Variants in MEGF10 observed in about 807,000 individuals in gnomAD.
MEGF10 encodes multiple epidermal growth factor-like domains protein 10.
MEGF10 carries 86 observed loss-of-function variants against 147.5 expected under a neutral mutation model. The ratio of observed to expected loss-of-function variants is 0.58; its 90% CI spans 0.49 to 0.70. The LOEUF is 0.70. MEGF10 is among the 30% of genes least tolerant of loss of function. The pLI is 0.00. For synonymous variants in MEGF10, 478 were observed against 525.5 expected (o/e 0.91, Z 1.24); for missense variants, 1,329 against 1,487.3 (o/e 0.89, Z 1.75).
At chr5:127,351,289 T>C (rs1363876134) in intron 4 of MEGF10, among the ~76,000 whole-genome samples, 1 of 152,210 alleles carries the variant, frequency 6.6e-6, no homozygotes, top group Non-Finnish European at 1.5e-5. Context: ...TTTTTGTTTG[T>C]ATCTTTCCGG....
At chr5:127,426,109 A>G (rs535842267) in intron 13 of MEGF10, among the ~76,000 whole-genome samples, 94 of 152,300 alleles carry the variant, frequency 6.2e-4, no homozygotes, top group Non-Finnish European at 1.1e-3. Flanking sequence ...TCCTCTTTAC[A>G]AAGGAATTGA....
chr5:127,375,018 C>A lies in MEGF10; in HGVS notation c.412+5016C>A, dbSNP rs141053278. Among the ~76,000 whole-genome samples the A allele has an allele frequency of 4.3e-3, 648 of 152,276 alleles. 5 individuals carry two copies. The highest frequency in any genetic ancestry group is 0.015 in the African/African-American group (622 of 41,550). ...GGTTGTTGACATTTGTCATCAACTTCATTACTGTCATGGGAGTATTAAGAG... is the reference window on the plus strand; with the variant it reads ...GGTTGTTGACATTTGTCATCAACTTAATTACTGTCATGGGAGTATTAAGAG... On this transcript the variant is annotated intron_variant, in intron 5 of 24. Coordinates refer to ENST00000503335, the MANE Select transcript of MEGF10 (RefSeq NM_001256545.2).
chr5:127,268,048 T>C, the MEGF10 span, among the ~76,000 whole-genome samples: 260 of 152,342 alleles, frequency 1.7e-3, 3 homozygotes, highest in African/African-American at 5.3e-3. Context: ...CTTTCTCTTG[T>C]GGGCATTTAG....
intron 1 of MEGF10, among the ~76,000 whole-genome samples, chr5:127,318,323 C>G (rs1468802638): frequency 2.0e-5 from 3 of 152,148 alleles, no homozygotes; most frequent in East Asian, 3.8e-4. Flanking sequence ...CTAACACACC[C>G]ATTGTATCTT....
At chr5:127,455,897 G>C (rs1445085314) in intron 24 of MEGF10, among the ~76,000 whole-genome samples, 1 of 151,860 alleles carries the variant, frequency 6.6e-6, no homozygotes, top group Non-Finnish European at 1.5e-5. Context: ...GCACTACCAC[G>C]CCCAGCTAAT....
intron 5 of MEGF10, 67 bp from the exon 6 acceptor site, chr5:127,396,465 C>A: frequency 6.8e-7 from 1 of 1,480,760 alleles, no homozygotes. Flanking sequence ...GCCATTCTCC[C>A]CGAGAGGCGA....
the MEGF10 span, among the ~76,000 whole-genome samples, chr5:127,249,551 T>A: frequency 1.3e-5 from 2 of 152,034 alleles, no homozygotes; most frequent in African/African-American, 4.8e-5. Context: ...AGTCAACCAT[T>A]TAATTACATT....
intron 8 of MEGF10, 47 bp from the exon 9 acceptor site, chr5:127,410,342 A>G (rs1450523311): frequency 3.2e-6 from 5 of 1,562,720 alleles, no homozygotes; most frequent in Non-Finnish European, 4.4e-6. Flanking sequence ...TTATTTTCAC[A>G]TGGCACTAAC....
intron 14 of MEGF10, among the ~76,000 whole-genome samples, chr5:127,434,408 A>C (rs189048241): frequency 8.8e-4 from 134 of 152,244 alleles, no homozygotes; most frequent in Non-Finnish European, 1.5e-3. Flanking sequence ...GCTTTATGCC[A>C]AGACTTGAGC....
intron 4 of MEGF10, among the ~76,000 whole-genome samples, chr5:127,367,168 A>G (rs567534781): frequency 6.6e-6 from 1 of 152,268 alleles, no homozygotes; most frequent in South Asian, 2.1e-4. Flanking sequence ...TATATCAAAT[A>G]AGTAGTGTGT....
chr5:127,419,521 T>C (rs1446263883), intron 11 of MEGF10, among the ~76,000 whole-genome samples: 1 of 152,166 alleles, frequency 6.6e-6, no homozygotes, highest in Non-Finnish European at 1.5e-5. Flanking sequence ...TGCCCCTAAA[T>C]TGACTGGCTT....
At chr5:127,293,041 T>C (rs1759329855) in intron 1 of MEGF10, among the ~76,000 whole-genome samples, 1 of 152,160 alleles carries the variant, frequency 6.6e-6, no homozygotes, top group Non-Finnish European at 1.5e-5. Context: ...AACAAAATAT[T>C]CCCTATGACC....
chr5:127,417,488 T>TA, intron 9 of MEGF10, 150 bp from the exon 10 acceptor site: 1 of 756,278 alleles, frequency 1.3e-6, no homozygotes, highest in East Asian at 2.6e-5. Flanking sequence ...GCCAATTAAT[T>TA]AAATCATACC....
chr5:127,409,610 C>A (rs1764476059), intron 8 of MEGF10: 1 of 152,344 alleles, frequency 6.6e-6, no homozygotes. Context: ...TTGGACAGAG[C>A]TCCAATGCCA....
At chr5:127,400,451 T>C (rs1764082341) in intron 7 of MEGF10, among the ~76,000 whole-genome samples, 1 of 152,218 alleles carries the variant, frequency 6.6e-6, no homozygotes, top group Non-Finnish European at 1.5e-5. Context: ...TGGTTAAAAC[T>C]AACACTTCTC....
Position 127,389,129 on chromosome 5 carries a change from G to A in MEGF10, c.413-7403G>A, listed in dbSNP as rs118183245. ...TGTATGCAGAAAGCCTTGGGTTTGA[G>A]TACTGATGCCACCACTGACTAGTTT... is the stretch of plus-strand genomic sequence containing the variant. On this transcript the variant is annotated intron_variant, in intron 5 of 24. Coordinates refer to ENST00000503335, the MANE Select transcript of MEGF10 (RefSeq NM_001256545.2). 2.3e-3 allele frequency among the ~76,000 whole-genome samples: 343 copies of A among 152,302 alleles called. 9 individuals carry two copies. In the East Asian group the frequency reaches 0.06, roughly 27 times the overall value.
intron 5 of MEGF10, among the ~76,000 whole-genome samples, chr5:127,372,491 A>G (rs949454770): frequency 6.6e-6 from 1 of 152,194 alleles, no homozygotes; most frequent in Non-Finnish European, 1.5e-5. Flanking sequence ...GGATTTTATC[A>G]ATTTTTCCAC....
At chr5:127,343,507 G>T (rs1054634234) in intron 4 of MEGF10, among the ~76,000 whole-genome samples, 4 of 152,012 alleles carry the variant, frequency 2.6e-5, no homozygotes, top group South Asian at 2.1e-4. Flanking sequence ...GACCTGACCG[G>T]CTGTCTTCGT....
In MEGF10 at chr5:127,353,557, C is replaced by T. The variant is rs146169532; in HGVS notation, c.319+12927C>T. ...TCATCTCCACTGATGGCAGAGAAAG[C>T]GAATCATTGTAAGCAGCGCTGCTTG... On this transcript the variant is annotated intron_variant, in intron 4 of 24. Coordinates refer to ENST00000503335, the MANE Select transcript of MEGF10 (RefSeq NM_001256545.2). Among the ~76,000 whole-genome samples, 295 of 152,296 alleles carry T rather than the reference C, an allele frequency of 1.9e-3. 1 individual carries two copies. The highest frequency in any genetic ancestry group is 6.7e-3 in the African/African-American group (277 of 41,568).
Sources: allele counts gnomAD v4.1 joint callset (sites outside exome capture counted in the v4.1 genomes callset), GRCh38; gene constraint gnomAD v4.1.1; transcripts MANE v1.5; gene names NCBI Gene and HGNC (gene_info 2026-07-23, HGNC 2026-07-21).